The following CFAP53 variants were observed in gnomAD, a reference collection of about 807,000 sequenced individuals.
The protein encoded by CFAP53 is cilia- and flagella-associated protein 53.
In CFAP53, 62 loss-of-function variants were observed where a neutral mutation model predicts 59.7. The observed-to-expected ratio is 1.04, with a 90% confidence interval of 0.85 to 1.28. CFAP53 has a LOEUF of 1.28. Ranked by LOEUF, CFAP53 falls within the 50% of genes most tolerant of loss-of-function variation. CFAP53 has a pLI of 0.00. For missense variants in CFAP53, 629 were observed against 615.6 expected (o/e 1.02, Z -0.23); for synonymous variants, 218 against 205.7 (o/e 1.06, Z -0.51).
At chr18:50,262,703 A>G (rs995574722) in intron 1 of CFAP53, among the ~76,000 whole-genome samples, 1 of 152,188 alleles carries the variant, frequency 6.6e-6, no homozygotes, top group Non-Finnish European at 1.5e-5. Flanking sequence ...ATGCGAATAT[A>G]TAGAAAAAAT....
intron 5 of CFAP53, among the ~76,000 whole-genome samples, chr18:50,250,362 C>T (rs144960594): frequency 3.2e-4 from 49 of 152,258 alleles, no homozygotes; most frequent in African/African-American, 1.1e-3. Context: ...AAATTCCAAA[C>T]GTATAGGTAG....
intron 6 of CFAP53, among the ~76,000 whole-genome samples, chr18:50,240,954 G>A (rs1451901345): frequency 2.6e-5 from 4 of 152,194 alleles, no homozygotes; most frequent in African/African-American, 7.2e-5. Context: ...ATCCTTCTGT[G>A]ACCAAGCACT....
chr18:50,255,869 C>CAAA (rs71169498), intron 3 of CFAP53, among the ~76,000 whole-genome samples: 3 of 146,042 alleles, frequency 2.1e-5, no homozygotes, highest in East Asian at 2.0e-4. Flanking sequence ...CAATGGAATA[C>CAAA]AAAAAAAAAA....
intron 3 of CFAP53, among the ~76,000 whole-genome samples, chr18:50,254,165 A>G (rs939809410): frequency 6.6e-6 from 1 of 151,902 alleles, no homozygotes; most frequent in African/African-American, 2.4e-5. Flanking sequence ...ATAGTCTAGG[A>G]AAAAAACCAC....
At chr18:50,229,155 T>C (rs577420864) in intron 7 of CFAP53, among the ~76,000 whole-genome samples, 20 of 152,278 alleles carry the variant, frequency 1.3e-4, no homozygotes, top group African/African-American at 4.1e-4. Flanking sequence ...TTTTTAAGTG[T>C]ACAGTTCAGT....
chr18:50,265,351 A>G (rs2033937885), intron 1 of CFAP53, among the ~76,000 whole-genome samples: 1 of 152,246 alleles, frequency 6.6e-6, no homozygotes, highest in Admixed American at 6.5e-5. Flanking sequence ...CTTCGAGGTA[A>G]TGAAATATAA....
At chr18:50,232,927 G>A (rs1332911540) in intron 7 of CFAP53, among the ~76,000 whole-genome samples, 3 of 152,140 alleles carry the variant, frequency 2.0e-5, no homozygotes, top group Non-Finnish European at 4.4e-5. Context: ...CCTTAAAAGG[G>A]AAAGACAGTT....
intron 5 of CFAP53, among the ~76,000 whole-genome samples, chr18:50,248,046 G>A (rs2033761400): frequency 6.6e-6 from 1 of 151,836 alleles, no homozygotes; most frequent in Admixed American, 6.6e-5. Context: ...ACAAAAACCA[G>A]GAGTTGGAGG....
chr18:50,266,248 G>T, intron 1 of CFAP53, 88 bp downstream of exon 1: 1 of 1,279,054 alleles, frequency 7.8e-7, no homozygotes, highest in Non-Finnish European at 1.1e-6. Context: ...AGAAGGCCCC[G>T]GGTGGGGGCC....
At chr18:50,231,766 G>A (rs749704939) in intron 7 of CFAP53, among the ~76,000 whole-genome samples, 1 of 152,208 alleles carries the variant, frequency 6.6e-6, no homozygotes, top group Non-Finnish European at 1.5e-5. Context: ...GATGCGACTG[G>A]CAGCAGAAGC....
chr18:50,229,480 A>C (rs9807122), intron 7 of CFAP53, among the ~76,000 whole-genome samples: 52,279 of 151,988 alleles, frequency 0.34, 9,433 homozygotes, highest in African/African-American at 0.45. Flanking sequence ...TTATCTATTC[A>C]TTTCATTAAT....
intron 3 of CFAP53, among the ~76,000 whole-genome samples, chr18:50,257,498 TAA>T (rs2033856388): frequency 1.3e-5 from 2 of 152,156 alleles, no homozygotes; most frequent in Non-Finnish European, 2.9e-5. Flanking sequence ...AAAAGAAATT[TAA>T]AAAGTTATCC....
At chr18:50,258,047 C>T (rs1236260974) in intron 3 of CFAP53, among the ~76,000 whole-genome samples, 1 of 151,832 alleles carries the variant, frequency 6.6e-6, no homozygotes, top group Non-Finnish European at 1.5e-5. Flanking sequence ...CTGAGTGAGA[C>T]CCTGTCTCAA....
intron 7 of CFAP53, among the ~76,000 whole-genome samples, chr18:50,237,960 G>C (rs915278714): frequency 1.3e-5 from 2 of 152,022 alleles, no homozygotes; most frequent in Admixed American, 1.3e-4. Context: ...TTGTTTCATG[G>C]AGGAAAAAAA....
chr18:50,247,027 G>A (rs570147134), intron 5 of CFAP53, among the ~76,000 whole-genome samples: 63 of 150,860 alleles, frequency 4.2e-4, no homozygotes, highest in Middle Eastern at 6.8e-3. Flanking sequence ...CAGCCTGGGC[G>A]ACAAGAGTGA....
intron 1 of CFAP53, among the ~76,000 whole-genome samples, chr18:50,265,388 C>G (rs1443622): frequency 0.67 from 102,120 of 152,018 alleles, 34,544 homozygotes; most frequent in East Asian, 0.79. Flanking sequence ...GACTTGGGTC[C>G]CCTCCCCAAG....
chr18:50,233,766 C>T (rs992583987), intron 7 of CFAP53, among the ~76,000 whole-genome samples: 2 of 152,198 alleles, frequency 1.3e-5, no homozygotes, highest in Admixed American at 6.5e-5. Context: ...TATGCCCATG[C>T]GGACAGGCAC....
rs191433267 is a variant in CFAP53 at position 50,260,179 on chromosome 18, G to A, written c.473+885C>T. Among the ~76,000 whole-genome samples the A allele has an allele frequency of 8.3e-4, 126 of 152,250 alleles. No homozygotes were observed. In the Middle Eastern group the frequency reaches 0.01, roughly 12 times the overall value. ...AGGGCACAGACTCAGAGTATCCTAC[G>A]ATGGAAAACCACAATGAAAAGGGAT... is the stretch of plus-strand genomic sequence containing the variant. On this transcript the variant is annotated intron_variant, in intron 3 of 7. Coordinates refer to ENST00000398545, the MANE Select transcript of CFAP53 (RefSeq NM_145020.5).
At chr18:50,237,329 AATATAT>A (rs1555671379) in intron 7 of CFAP53, among the ~76,000 whole-genome samples, 11 of 6,346 alleles carry the variant, frequency 1.7e-3, no homozygotes, top group Non-Finnish European at 4.6e-3. Context: ...AAAAAAAAAA[AATATAT>A]ATATATATAT....
Sources: gnomAD v4.1 joint callset for allele counts (sites outside exome capture counted in the v4.1 genomes callset) on GRCh38, gnomAD v4.1.1 for gene constraint, MANE v1.5 for transcripts, NCBI Gene and HGNC (gene_info 2026-07-23, HGNC 2026-07-21) for gene names.